Variants in HS2ST1 observed in about 807,000 individuals in gnomAD.
HS2ST1 encodes the protein 2-O-sulfotransferase.
Under a neutral mutation model 42.9 loss-of-function variants are expected in HS2ST1, and 18 were observed. That is an observed-to-expected ratio of 0.42 (90% CI 0.29 to 0.62). The LOEUF (loss-of-function observed/expected upper bound fraction) is 0.62. HS2ST1 is among the 20% of genes least tolerant of loss of function. The probability of loss-of-function intolerance (pLI) is 0.21; values close to 1 mark genes in which losing one functional copy is unlikely to be tolerated. For synonymous variants in HS2ST1, 146 were observed against 152.9 expected, an observed-to-expected ratio of 0.95 and a Z score of 0.33; for missense variants, 334 against 433.8, an observed-to-expected ratio of 0.77 and a Z score of 2.04.
At chr1:86,959,009 C>T (rs1160891146) in intron 1 of HS2ST1, among the ~76,000 whole-genome samples, 2 of 152,068 alleles carry the variant, frequency 1.3e-5, no homozygotes, top group Non-Finnish European at 2.9e-5. Context: ...TCAGTAGATG[C>T]AGAAAAAGCA....
intron 1 of HS2ST1, among the ~76,000 whole-genome samples, chr1:87,022,391 G>T (rs781658414): frequency 6.6e-6 from 1 of 152,068 alleles, no homozygotes; most frequent in African/African-American, 2.4e-5. Context: ...ATGTTCCTTG[G>T]CTGTGTTAGG....
intron 3 of HS2ST1, among the ~76,000 whole-genome samples, chr1:87,084,819 GCTCT>G (rs1332510422): frequency 7.2e-6 from 1 of 139,018 alleles, no homozygotes; most frequent in Non-Finnish European, 1.5e-5. Context: ...CTTCTCTCTT[GCTCT>G]CTCTCCCTCC....
In HS2ST1 at chr1:87,061,176, A is replaced by G. The variant is rs537888750; in HGVS notation, c.125-11758A>G. On this transcript the variant is annotated intron_variant, in intron 1 of 6. Coordinates refer to ENST00000370550, the MANE Select transcript of HS2ST1 (RefSeq NM_012262.4). ...ATGACTAATTTATAAACAGTTAAAT[A>G]TTTTATAATTTGTTTTTAATGTTAT... Among the ~76,000 whole-genome samples, 182 of 152,272 alleles carry G rather than the reference A, an allele frequency of 1.2e-3. 1 individual carries two copies. The highest frequency in any genetic ancestry group is 4.1e-3 in the African/African-American group (171 of 41,566).
chr1:86,975,449 G>A (rs1648370078), intron 1 of HS2ST1, among the ~76,000 whole-genome samples: 1 of 152,116 alleles, frequency 6.6e-6, no homozygotes, highest in Non-Finnish European at 1.5e-5. Context: ...ACCAAAGGCT[G>A]AGGGGAGGAA....
intron 1 of HS2ST1, among the ~76,000 whole-genome samples, chr1:86,952,009 C>T (rs1647534063): frequency 6.6e-6 from 1 of 152,186 alleles, no homozygotes; most frequent in South Asian, 2.1e-4. Context: ...CTAATCCCAG[C>T]ACGTGTAGTG....
rs1161759589 is a variant in HS2ST1, at chr1:87,024,195, T to C, written c.125-48739T>C. Among the ~76,000 whole-genome samples the C allele has an allele frequency of 7.2e-5, 11 of 152,212 alleles. 1 individual carries two copies. In the Middle Eastern group the frequency reaches 0.01, roughly 141 times the overall value. On this transcript the variant is annotated intron_variant, in intron 1 of 6. Coordinates refer to ENST00000370550, the MANE Select transcript of HS2ST1 (RefSeq NM_012262.4). ...CATGGTGAAATTGAGAGATCAGTAG[T>C]CATTTTTAAGAATCAGGCAGATCTG...
intron 1 of HS2ST1, among the ~76,000 whole-genome samples, chr1:86,955,276 C>G (rs1424514269): frequency 6.6e-6 from 1 of 152,084 alleles, no homozygotes; most frequent in Non-Finnish European, 1.5e-5. Context: ...AGTCCCCAAC[C>G]CTGGGGCCAC....
At chr1:87,071,101 G>C (rs941011266) in intron 1 of HS2ST1, among the ~76,000 whole-genome samples, 1 of 152,082 alleles carries the variant, frequency 6.6e-6, no homozygotes, top group Non-Finnish European at 1.5e-5. Context: ...TAACACATAC[G>C]TATATCTCTC....
At chr1:86,982,537 TG>T (rs1289790757) in intron 1 of HS2ST1, among the ~76,000 whole-genome samples, 1 of 152,076 alleles carries the variant, frequency 6.6e-6, no homozygotes, top group Non-Finnish European at 1.5e-5. Flanking sequence ...TTTTTTGAGA[TG>T]GAGTCTTGCT....
At chr1:87,065,039 A>G (rs747138353) in intron 1 of HS2ST1, among the ~76,000 whole-genome samples, 1 of 152,208 alleles carries the variant, frequency 6.6e-6, no homozygotes, top group Non-Finnish European at 1.5e-5. Context: ...AGTGATTACA[A>G]AACATTACTT....
At chr1:86,990,834 ATATT>A (rs1254273951) in intron 1 of HS2ST1, among the ~76,000 whole-genome samples, 1 of 18,210 alleles carries the variant, frequency 5.5e-5, no homozygotes, top group African/African-American at 9.4e-5. Context: ...ATATATATAT[ATATT>A]TTTTTTTTTT....
chr1:87,022,698 A>G (rs1168491450), intron 1 of HS2ST1, among the ~76,000 whole-genome samples: 1 of 152,206 alleles, frequency 6.6e-6, no homozygotes, highest in Non-Finnish European at 1.5e-5. Context: ...AAAGCTGCCA[A>G]CACAGTGTTT....
In HS2ST1 at chr1:86,931,899, G is replaced by A. The variant is rs935799990; in HGVS notation, c.124+16739G>A. On this transcript the variant is annotated intron_variant, in intron 1 of 6. Transcript: ENST00000370550. Reference sequence around the variant, plus strand: ...TGCATTGAAGTGATATTTCTTGGTGGTTTTTAATTTAAGAAAATCTGATAA... The same window carrying A: ...TGCATTGAAGTGATATTTCTTGGTGATTTTTAATTTAAGAAAATCTGATAA... Among the ~76,000 whole-genome samples the A allele has an allele frequency of 4.0e-5, 6 of 151,882 alleles. No homozygotes were observed. The South Asian group carries it at 6.3e-4, about 16-fold the overall frequency.
At chr1:86,969,471 C>T (rs1015096059) in intron 1 of HS2ST1, among the ~76,000 whole-genome samples, 2 of 152,082 alleles carry the variant, frequency 1.3e-5, no homozygotes, top group African/African-American at 4.8e-5. Context: ...TAATTCATTT[C>T]AGCGTGAAGG....
At chr1:87,066,154 A>C (rs1651244963) in intron 1 of HS2ST1, among the ~76,000 whole-genome samples, 1 of 152,202 alleles carries the variant, frequency 6.6e-6, no homozygotes, top group African/African-American at 2.4e-5. Context: ...TTAATAAATA[A>C]AGTCTTTAAG....
rs1297439467 is a variant in HS2ST1, at chr1:87,008,170, C to A, written c.125-64764C>A. Among the ~76,000 whole-genome samples the A allele has an allele frequency of 2.0e-5, 3 of 152,016 alleles. No homozygotes were observed. The South Asian group carries it at 6.2e-4, about 32-fold the overall frequency. ...GACAAATAATTTAAGTAGAATGTTT[C>A]CTGTATTAAATCTCAAGAGAAGCAA... On this transcript the variant is annotated intron_variant, in intron 1 of 6. Transcript: ENST00000370550.
rs189504142 is a variant in HS2ST1 at position 87,014,027 on chromosome 1, C to T, written c.125-58907C>T. 1.9e-3 allele frequency among the ~76,000 whole-genome samples: 292 copies of T among 152,254 alleles called. 1 individual carries two copies. The highest frequency in any genetic ancestry group is 6.7e-3 in the African/African-American group (279 of 41,542). On this transcript the variant is annotated intron_variant, in intron 1 of 6. Transcript: ENST00000370550. ...GTCTCCAGGAAGTTCCAAACTTTCCCACATCTTTCTGTCTTCTGAGCCCTC... is the reference window on the plus strand; with the variant it reads ...GTCTCCAGGAAGTTCCAAACTTTCCTACATCTTTCTGTCTTCTGAGCCCTC...
chr1:86,961,109 G>T (rs1433546123), intron 1 of HS2ST1, among the ~76,000 whole-genome samples: 1 of 149,108 alleles, frequency 6.7e-6, no homozygotes, highest in Non-Finnish European at 1.5e-5. Flanking sequence ...GAGTTATCAG[G>T]CCATGAAAAG....
intron 1 of HS2ST1, among the ~76,000 whole-genome samples, chr1:86,992,214 C>T (rs1377830038): frequency 6.6e-6 from 1 of 151,892 alleles, no homozygotes; most frequent in Non-Finnish European, 1.5e-5. Context: ...ACTCCTCCAC[C>T]CCTGTTCTGT....
Sources: gnomAD v4.1 joint callset for allele counts (sites outside exome capture counted in the v4.1 genomes callset) on GRCh38, gnomAD v4.1.1 for gene constraint, MANE v1.5 for transcripts, NCBI Gene and HGNC (gene_info 2026-07-23, HGNC 2026-07-21) for gene names.